Variants in CD8B2 observed in about 807,000 individuals in gnomAD.
CD8B2 encodes CD8B family member 2.
Under a neutral mutation model 23.7 loss-of-function variants are expected in CD8B2, and 11 were observed. The ratio of observed to expected loss-of-function variants is 0.46; its 90% CI spans 0.29 to 0.77. CD8B2 has a LOEUF of 0.77. Ranked by LOEUF, CD8B2 falls within the 30% of genes least tolerant of loss-of-function variation. The pLI, the probability that CD8B2 is intolerant of heterozygous loss-of-function variation, is 0.09. For synonymous variants in CD8B2, 90 were observed against 109.3 expected (o/e 0.82, Z 1.10); for missense variants, 197 against 270.5 (o/e 0.73, Z 1.91).
At chr2:106,541,008 C>T (rs900847982) in intron 5 of CD8B2, among the ~76,000 whole-genome samples, 1 of 152,014 alleles carries the variant, frequency 6.6e-6, no homozygotes, top group South Asian at 2.1e-4. Flanking sequence ...ACTCAATGGT[C>T]CACAGGAGCC....
intron 5 of CD8B2, among the ~76,000 whole-genome samples, chr2:106,517,809 T>C (rs1679753694): frequency 6.6e-6 from 1 of 151,894 alleles, no homozygotes; most frequent in Non-Finnish European, 1.5e-5. Flanking sequence ...GCCTCCCGGG[T>C]TCACGCCGTT....
chr2:106,503,167 A>G (rs1238525111), intron 4 of CD8B2, among the ~76,000 whole-genome samples: 1 of 151,466 alleles, frequency 6.6e-6, no homozygotes, highest in South Asian at 2.1e-4. Context: ...GCCGGAGGGG[A>G]GGCCTGCATG....
At chr2:106,542,959 A>AAGAGG (rs1680200399) in intron 5 of CD8B2, 5 of 152,132 alleles carry the variant, frequency 3.3e-5, no homozygotes, top group Admixed American at 3.3e-4. Context: ...TGCATAAAGA[A>AAGAGG]AGAGGAGCGC....
chr2:106,494,559 G>C (rs1479853969), intron 2 of CD8B2, among the ~76,000 whole-genome samples: 1 of 151,712 alleles, frequency 6.6e-6, no homozygotes, highest in Non-Finnish European at 1.5e-5. Context: ...GAAAATCAGT[G>C]CAGAGAGATC....
chr2:106,532,969 A>G (rs539502022), intron 5 of CD8B2, among the ~76,000 whole-genome samples: 8 of 152,282 alleles, frequency 5.3e-5, no homozygotes, highest in African/African-American at 1.4e-4. Context: ...TTCTGGTTCA[A>G]ACACCTCTGA....
At chr2:106,528,081 G>C (rs902806896) in intron 5 of CD8B2, among the ~76,000 whole-genome samples, 1 of 152,190 alleles carries the variant, frequency 6.6e-6, no homozygotes, top group Admixed American at 6.5e-5. Context: ...TCACCGACTG[G>C]GGGGCCCCTG....
chr2:106,523,398 C>A (rs1679858190), intron 5 of CD8B2, among the ~76,000 whole-genome samples: 1 of 152,122 alleles, frequency 6.6e-6, no homozygotes, highest in African/African-American at 2.4e-5. Flanking sequence ...CAGGGGGGGT[C>A]AACTACTGTC....
intron 1 of CD8B2, among the ~76,000 whole-genome samples, chr2:106,490,041 G>T (rs951936969): frequency 2.6e-5 from 4 of 151,964 alleles, no homozygotes; most frequent in African/African-American, 9.7e-5. Context: ...GGGGAATACG[G>T]ATCCAGTGAC....
intron 5 of CD8B2, chr2:106,543,937 T>C (rs977045135): frequency 3.5e-5 from 14 of 398,628 alleles, no homozygotes; most frequent in African/African-American, 2.5e-4. Flanking sequence ...TGCCCATCTT[T>C]TGCATCTGAT....
Position 106,509,345 on chromosome 2 carries a change from G to A in CD8B2, c.*2405G>A, listed in dbSNP as rs376061591. On this transcript the variant is annotated 3_prime_UTR_variant, in exon 6 of 6. Coordinates refer to ENST00000643224, the MANE Select transcript of CD8B2 (RefSeq NM_001349727.2). ...GCTGGACCAGACTCCTCTAGGGTTC[G>A]TGTTTCAGGTGGGCCCCTCACCCGG... 63 of 152,248 alleles carry A rather than the reference G, an allele frequency of 4.1e-4. No individual in the cohort carries two copies. The highest frequency in any genetic ancestry group is 1.3e-3 in the African/African-American group (55 of 41,554). The allele number at this position is 152,248 out of a possible 1,614,324, so 9.4% of individuals were successfully genotyped here.
chr2:106,539,127 A>G (rs1167085149), intron 5 of CD8B2, among the ~76,000 whole-genome samples: 2 of 152,192 alleles, frequency 1.3e-5, no homozygotes, highest in African/African-American at 2.4e-5. Flanking sequence ...TGCCTGCCCC[A>G]TGGAGTTGCT....
chr2:106,540,086 A>G (rs11681579), intron 5 of CD8B2, among the ~76,000 whole-genome samples: 4,925 of 152,280 alleles, frequency 0.032, 100 homozygotes, highest in Non-Finnish European at 0.047. Context: ...AAAGAAATTC[A>G]ATTTTGTTAT....
rs1679094283 is a variant in CD8B2, at chr2:106,487,410, G to A, written c.-17G>A. On this transcript the variant is annotated 5_prime_UTR_variant, in exon 1 of 6. Transcript: ENST00000643224. ...CTCCGCCGAGCCCCCGGGGCCAGGT[G>A]TCCCGGGCGCGCCCCGATGCGGCCG... 2 of 1,235,096 alleles carry A rather than the reference G, an allele frequency of 1.6e-6. No homozygotes were observed. The highest frequency in any genetic ancestry group is 1.0e-6 in the Non-Finnish European group (1 of 989,056). The allele number at this position is 1,235,096 out of a possible 1,614,324, so 76.5% of individuals were successfully genotyped here.
chr2:106,516,241 G>A (rs111439755), intron 5 of CD8B2, among the ~76,000 whole-genome samples: 1,624 of 152,192 alleles, frequency 0.011, 17 homozygotes, highest in African/African-American at 0.037. Context: ...CAGCACCAGG[G>A]GGACATCCAC....
intron 5 of CD8B2, among the ~76,000 whole-genome samples, chr2:106,540,811 C>T (rs1031220262): frequency 6.6e-6 from 1 of 152,198 alleles, no homozygotes; most frequent in Non-Finnish European, 1.5e-5. Flanking sequence ...GAACCACCTG[C>T]CTCGGCCTCC....
chr2:106,487,671 G>C (rs796583825), intron 1 of CD8B2, among the ~76,000 whole-genome samples: 7 of 152,232 alleles, frequency 4.6e-5, no homozygotes, highest in East Asian at 3.9e-4. Flanking sequence ...CCGGGGGACC[G>C]GAGAGCCCCT....
chr2:106,518,852 T>G (rs558688093), intron 5 of CD8B2, among the ~76,000 whole-genome samples: 26 of 152,168 alleles, frequency 1.7e-4, no homozygotes, highest in African/African-American at 6.0e-4. Context: ...TTTTATCCAT[T>G]TATCCCTCCA....
chr2:106,522,118 C>T (rs1679836123), intron 5 of CD8B2: 1 of 152,232 alleles, frequency 6.6e-6, no homozygotes. Context: ...CCGGATCTCA[C>T]TCGCTTGTTT....
At chr2:106,500,807 T>A (rs534776178) in intron 3 of CD8B2, among the ~76,000 whole-genome samples, 1 of 151,720 alleles carries the variant, frequency 6.6e-6, no homozygotes, top group Admixed American at 6.6e-5. Context: ...ATTTGGGACA[T>A]TGATAGTGTA....
Sources: gnomAD v4.1 joint callset for allele counts (sites outside exome capture counted in the v4.1 genomes callset) on GRCh38, gnomAD v4.1.1 for gene constraint, MANE v1.5 for transcripts, NCBI Gene and HGNC (gene_info 2026-07-23, HGNC 2026-07-21) for gene names.